Variants in ROBO2 observed in about 807,000 individuals in gnomAD.
ROBO2 encodes the protein roundabout guidance receptor 2, also known as roundabout homolog 2.
ROBO2 carries 53 observed loss-of-function variants against 160.8 expected under a neutral mutation model. That is an observed-to-expected ratio of 0.33 (90% CI 0.26 to 0.41). The LOEUF (loss-of-function observed/expected upper bound fraction) is 0.41, where lower values mean the gene tolerates loss of function less well. ROBO2 is among the 10% of genes least tolerant of loss of function. The pLI is 1.00. For synonymous variants in ROBO2, 664 were observed against 611.7 expected, an observed-to-expected ratio of 1.09 and a Z score of -1.26; for missense variants, 1,577 against 1,722.4, an observed-to-expected ratio of 0.92 and a Z score of 1.49.
intron 2 of ROBO2, among the ~76,000 whole-genome samples, chr3:76,570,846 T>C (rs2084912711): frequency 6.6e-6 from 1 of 152,314 alleles, no homozygotes; most frequent in Non-Finnish European, 1.5e-5. Context: ...ATCTCTGTTG[T>C]ACATCTTATG....
intron 2 of ROBO2, among the ~76,000 whole-genome samples, chr3:76,111,803 T>C (rs1459572561): frequency 6.6e-6 from 1 of 151,602 alleles, no homozygotes; most frequent in Non-Finnish European, 1.5e-5. Context: ...GGGCAGCGAC[T>C]CTCTCTCTCT....
chr3:77,387,419 C>T (rs1036103503), intron 2 of ROBO2, among the ~76,000 whole-genome samples: 4 of 151,706 alleles, frequency 2.6e-5, no homozygotes, highest in Non-Finnish European at 4.4e-5. Flanking sequence ...AAACCTAGGT[C>T]GAATCAAGCA....
chr3:76,127,275 C>G (rs779255638), intron 2 of ROBO2, among the ~76,000 whole-genome samples: 2 of 152,124 alleles, frequency 1.3e-5, no homozygotes, highest in African/African-American at 4.8e-5. Flanking sequence ...AATTTGCACT[C>G]TAACTTTTCA....
At chr3:77,223,462 T>A (rs1378881416) in intron 2 of ROBO2, among the ~76,000 whole-genome samples, 1 of 152,114 alleles carries the variant, frequency 6.6e-6, no homozygotes, top group African/African-American at 2.4e-5. Context: ...TCAGTTTGCT[T>A]CCTTGAAATT....
chr3:77,581,993 C>T (rs956142540), intron 16 of ROBO2, among the ~76,000 whole-genome samples: 38 of 151,992 alleles, frequency 2.5e-4, no homozygotes, highest in Admixed American at 1.1e-3. Flanking sequence ...TAAATGGCTA[C>T]GTTTATTTTC....
chr3:76,502,393 A>C (rs921042738), intron 2 of ROBO2, among the ~76,000 whole-genome samples: 8 of 152,210 alleles, frequency 5.3e-5, no homozygotes, highest in Non-Finnish European at 1.0e-4. Flanking sequence ...TTTGCTCTAA[A>C]GTATAAATGC....
At chr3:77,075,721 C>G (rs2067923486) in intron 1 of ROBO2, among the ~76,000 whole-genome samples, 1 of 138,754 alleles carries the variant, frequency 7.2e-6, no homozygotes, top group Non-Finnish European at 1.5e-5. Flanking sequence ...TCGTGTCACC[C>G]AGGCTGGAGT....
intron 2 of ROBO2, among the ~76,000 whole-genome samples, chr3:77,476,308 C>T (rs987044066): frequency 6.6e-6 from 1 of 151,948 alleles, no homozygotes; most frequent in Admixed American, 6.6e-5. Flanking sequence ...ACATAACAGG[C>T]TACCACAAGC....
chr3:76,733,664 G>C (rs1039736418), intron 2 of ROBO2, among the ~76,000 whole-genome samples: 4 of 152,138 alleles, frequency 2.6e-5, no homozygotes, highest in Non-Finnish European at 5.9e-5. Flanking sequence ...TCCTGTTACA[G>C]TTTTTAAAAT....
At chr3:77,627,426 C>T (rs975382091) in intron 23 of ROBO2, among the ~76,000 whole-genome samples, 1 of 151,766 alleles carries the variant, frequency 6.6e-6, no homozygotes, top group Non-Finnish European at 1.5e-5. Flanking sequence ...ATTGCAGGCT[C>T]GGGCCACCAC....
intron 2 of ROBO2, among the ~76,000 whole-genome samples, chr3:76,705,726 CACTTTAAAAT>C (rs2093147186): frequency 6.6e-6 from 1 of 152,098 alleles, no homozygotes; most frequent in African/African-American, 2.4e-5. Flanking sequence ...CTTCCAGAAT[CACTTTAAAAT>C]ACTTTAAATA....
chr3:77,022,562 T>C (rs2149512935), intron 2 of ROBO2, among the ~76,000 whole-genome samples: 1 of 152,316 alleles, frequency 6.6e-6, no homozygotes, highest in African/African-American at 2.4e-5. Context: ...TCATCAAACT[T>C]AAACATAAAA....
At chr3:76,266,734 G>C (rs1438455343) in intron 2 of ROBO2, among the ~76,000 whole-genome samples, 1 of 152,082 alleles carries the variant, frequency 6.6e-6, no homozygotes, top group Non-Finnish European at 1.5e-5. Flanking sequence ...GCTGCCATCT[G>C]AGTTATCTTA....
rs535337327 is a variant in ROBO2, at chr3:76,870,312, C to T, written c.110-227702C>T. 1.7e-3 allele frequency among the ~76,000 whole-genome samples: 263 copies of T among 152,222 alleles called. 1 individual carries two copies. The highest frequency in any genetic ancestry group is 5.6e-3 in the African/African-American group (234 of 41,532). On this transcript the variant is annotated intron_variant, in intron 2 of 26. Transcript: ENST00000487694. ...ACAAACCTGGCTTTCATCAGAATCACCTGGGGACATTATTTAAAATCATAA... is the reference window on the plus strand; with the variant it reads ...ACAAACCTGGCTTTCATCAGAATCATCTGGGGACATTATTTAAAATCATAA...
intron 2 of ROBO2, among the ~76,000 whole-genome samples, chr3:76,528,429 A>G (rs2082056333): frequency 6.6e-6 from 1 of 152,058 alleles, no homozygotes; most frequent in African/African-American, 2.4e-5. Flanking sequence ...GAATATATAT[A>G]ATAGACCCTC....
intron 2 of ROBO2, chr3:76,434,853 G>T (rs889882751): frequency 4.2e-5 from 66 of 1,577,088 alleles, no homozygotes; most frequent in Non-Finnish European, 5.6e-5. Flanking sequence ...CAAGAACCCT[G>T]CCCTGAAGGC....
chr3:77,362,301 G>A (rs1163433047), intron 2 of ROBO2, among the ~76,000 whole-genome samples: 1 of 152,090 alleles, frequency 6.6e-6, no homozygotes, highest in Non-Finnish European at 1.5e-5. Context: ...ATGCACAAGT[G>A]GGAATTTATA....
At chr3:76,654,929 T>A (rs200307881) in intron 2 of ROBO2, among the ~76,000 whole-genome samples, 12,342 of 140,990 alleles carry the variant, frequency 0.088, 657 homozygotes, top group South Asian at 0.13. Context: ...ATATATATAT[T>A]TATATATATA....
At chr3:76,514,333 C>T (rs960835645) in intron 2 of ROBO2, among the ~76,000 whole-genome samples, 1 of 152,132 alleles carries the variant, frequency 6.6e-6, no homozygotes, top group African/African-American at 2.4e-5. Flanking sequence ...CGCTCACCTA[C>T]CTCCCCAACT....
Sources: gnomAD v4.1 joint callset for allele counts (sites outside exome capture counted in the v4.1 genomes callset) on GRCh38, gnomAD v4.1.1 for gene constraint, MANE v1.5 for transcripts, NCBI Gene and HGNC (gene_info 2026-07-23, HGNC 2026-07-21) for gene names.